The following VAT1L variants were observed in gnomAD, a reference collection of about 807,000 sequenced individuals.
VAT1L encodes the protein putative NADPH-dependent quinone oxidoreductase VAT1L.
In VAT1L, 34 loss-of-function variants were observed where a neutral mutation model predicts 44.1. The observed-to-expected ratio is 0.77, with a 90% CI of 0.59 to 1.03. VAT1L has a LOEUF of 1.03. Ranked by LOEUF, VAT1L falls within the 50% of genes least tolerant of loss-of-function variation. VAT1L has a pLI of 0.00. For synonymous variants in VAT1L, 253 were observed against 202.2 expected (o/e 1.25, Z -2.13); for missense variants, 615 against 538.8 (o/e 1.14, Z -1.40).
chr16:77,970,676 T>C (rs1375099558), intron 7 of VAT1L, among the ~76,000 whole-genome samples: 1 of 152,228 alleles, frequency 6.6e-6, no homozygotes, highest in Admixed American at 6.5e-5. Flanking sequence ...TAATTGAGTA[T>C]CTTTTGTGTA....
intron 4 of VAT1L, among the ~76,000 whole-genome samples, chr16:77,863,541 T>G (rs1346989103): frequency 1.3e-5 from 2 of 152,208 alleles, no homozygotes; most frequent in African/African-American, 4.8e-5. Flanking sequence ...GTGATTTTCC[T>G]GTATAGATAG....
intron 1 of VAT1L, among the ~76,000 whole-genome samples, chr16:77,797,096 C>T (rs529538494): frequency 7.2e-4 from 110 of 151,742 alleles, no homozygotes; most frequent in Middle Eastern, 3.4e-3. Flanking sequence ...CTCAACAAAA[C>T]TGCACTTGTA....
intron 3 of VAT1L, among the ~76,000 whole-genome samples, chr16:77,830,509 G>GC (rs2016567647): frequency 6.6e-6 from 1 of 152,118 alleles, no homozygotes; most frequent in African/African-American, 2.4e-5. Context: ...TCTTTCCCAT[G>GC]CTGTTCTTGT....
chr16:77,808,380 T>C lies in VAT1L; in HGVS notation c.234-8541T>C, dbSNP rs372857487. ...CTTGATTCTACATTATGCTGAGTTG[T>C]ATAATTATTTCATTATATATTACAA... On this transcript the variant is annotated intron_variant, in intron 1 of 8. Coordinates refer to ENST00000302536, the MANE Select transcript of VAT1L (RefSeq NM_020927.3). Among the ~76,000 whole-genome samples the C allele has an allele frequency of 9.8e-5, 15 of 152,290 alleles. No homozygotes were observed. In the East Asian group the frequency reaches 2.9e-3, roughly 29 times the overall value.
At chr16:77,896,163 A>C (rs2017322244) in intron 7 of VAT1L, among the ~76,000 whole-genome samples, 2 of 152,318 alleles carry the variant, frequency 1.3e-5, no homozygotes, top group Middle Eastern at 6.8e-3. Context: ...TGATTTTCAG[A>C]AACCTGAGAC....
intron 1 of VAT1L, among the ~76,000 whole-genome samples, chr16:77,793,616 G>C (rs918784096): frequency 6.6e-6 from 1 of 152,128 alleles, no homozygotes; most frequent in African/African-American, 2.4e-5. Flanking sequence ...TCTGGTTTGT[G>C]GTTCAAATTG....
intron 6 of VAT1L, chr16:77,881,973 T>C (rs2017159761): frequency 6.6e-6 from 1 of 152,236 alleles, no homozygotes; most frequent in Non-Finnish European, 1.5e-5. Context: ...GTGCCCATGC[T>C]CAATGAAGGC....
In VAT1L at chr16:77,884,181, C is replaced by T. The variant is rs1285996909; in HGVS notation, c.883-427C>T. Among the ~76,000 whole-genome samples, 1 of 151,998 alleles carries T rather than the reference C, an allele frequency of 6.6e-6. No homozygotes were observed. Among genetic ancestry groups the T allele is most frequent in the Non-Finnish European group, 1.5e-5 (1 of 68,000 alleles). ...AAAATAGATGCTTTTAAAAAAAATA[C>T]ACCACTGTCCAAGGCGGGTGGATCA... On this transcript the variant is annotated intron_variant, in intron 6 of 8. Coordinates refer to ENST00000302536, the MANE Select transcript of VAT1L (RefSeq NM_020927.3). This position sits in a 1 kb window ranked among gnomAD's most constrained non-coding sequence, Gnocchi z 4.5.
At chr16:77,925,162 G>A (rs978600130) in intron 7 of VAT1L, among the ~76,000 whole-genome samples, 6 of 152,086 alleles carry the variant, frequency 3.9e-5, no homozygotes, top group African/African-American at 1.2e-4. Flanking sequence ...CTAGGGTCAG[G>A]CAAGCAAGGT....
intron 7 of VAT1L, among the ~76,000 whole-genome samples, chr16:77,914,423 T>C (rs1176859230): frequency 2.6e-5 from 4 of 152,224 alleles, no homozygotes; most frequent in African/African-American, 9.6e-5. Flanking sequence ...AATTTGAAAA[T>C]CAGCCATGGT....
intron 5 of VAT1L, among the ~76,000 whole-genome samples, chr16:77,876,736 C>T (rs148025529): frequency 4.6e-5 from 7 of 152,242 alleles, no homozygotes; most frequent in African/African-American, 1.7e-4. Context: ...TGACTAGAAC[C>T]ACTAAGGGAC....
intron 7 of VAT1L, among the ~76,000 whole-genome samples, chr16:77,929,764 C>T (rs2017707210): frequency 6.6e-6 from 1 of 152,134 alleles, no homozygotes; most frequent in Non-Finnish European, 1.5e-5. Context: ...TTTGATGAAA[C>T]ATTTACAGGT....
chr16:77,898,140 T>C (rs2017344077), intron 7 of VAT1L, among the ~76,000 whole-genome samples: 1 of 152,194 alleles, frequency 6.6e-6, no homozygotes, highest in African/African-American at 2.4e-5. Context: ...TCACAAGGCA[T>C]TCCCTCTGTG....
chr16:77,863,059 C>T (rs1379587315), intron 4 of VAT1L, among the ~76,000 whole-genome samples, 169 bp downstream of exon 4: 4 of 152,266 alleles, frequency 2.6e-5, no homozygotes, highest in South Asian at 2.1e-4. Context: ...TTCATTTAAT[C>T]CTCTTAACCT....
intron 1 of VAT1L, among the ~76,000 whole-genome samples, chr16:77,808,674 C>A (rs1400848976): frequency 6.6e-6 from 1 of 152,134 alleles, no homozygotes; most frequent in Non-Finnish European, 1.5e-5. Context: ...TAGCACACCA[C>A]AACCTCCACC....
chr16:77,828,123 C>T (rs771392270), intron 3 of VAT1L, among the ~76,000 whole-genome samples: 1 of 152,148 alleles, frequency 6.6e-6, no homozygotes, highest in Non-Finnish European at 1.5e-5. Context: ...AAGTGCAGAT[C>T]CACATATGTG....
intron 7 of VAT1L, among the ~76,000 whole-genome samples, chr16:77,937,191 G>A (rs2017810579): frequency 6.6e-6 from 1 of 152,142 alleles, no homozygotes; most frequent in Non-Finnish European, 1.5e-5. Context: ...CAACCTGAGG[G>A]TTTTGAGAGC....
At chr16:77,880,615 G>GTTTTTTTTTTTTTTTCT (rs1303224810) in intron 6 of VAT1L, among the ~76,000 whole-genome samples, 1 of 23,308 alleles carries the variant, frequency 4.3e-5, no homozygotes, top group Admixed American at 4.6e-4. Flanking sequence ...TTTTTTTTTA[G>GTTTTTTTTTTTTTTTCT]TAATTTCAAC....
At chr16:77,815,692 G>C (rs1323249511) in intron 1 of VAT1L, among the ~76,000 whole-genome samples, 1 of 151,990 alleles carries the variant, frequency 6.6e-6, no homozygotes, top group African/African-American at 2.4e-5. Flanking sequence ...AAGTTGGCTG[G>C]GCACAGTGGC....
Sources: allele counts gnomAD v4.1 joint callset (sites outside exome capture counted in the v4.1 genomes callset), GRCh38; gene constraint gnomAD v4.1.1; non-coding constraint Gnocchi (gnomAD v3.1); transcripts MANE v1.5; gene names NCBI Gene and HGNC (gene_info 2026-07-23, HGNC 2026-07-21).